The following PBX3 variants were observed in gnomAD, a reference collection of about 807,000 sequenced individuals.
The protein encoded by PBX3 is PBX homeobox 3.
Under a neutral mutation model 48.5 loss-of-function variants are expected in PBX3, and 14 were observed. That is an observed-to-expected ratio of 0.29 (90% CI 0.19 to 0.45). The LOEUF (loss-of-function observed/expected upper bound fraction) is 0.45. PBX3 is among the 20% of genes least tolerant of loss of function. PBX3 has a pLI of 1.00. For missense variants in PBX3, 386 were observed against 546.7 expected (o/e 0.71, Z 2.93); for synonymous variants, 210 against 200.3 (o/e 1.05, Z -0.41).
At chr9:125,867,419 A>C (rs1840008659) in intron 2 of PBX3, among the ~76,000 whole-genome samples, 1 of 152,022 alleles carries the variant, frequency 6.6e-6, no homozygotes, top group African/African-American at 2.4e-5. Context: ...AGGCGGGTGG[A>C]TCATGAGGTC....
chr9:125,906,873 C>T (rs557551139), intron 2 of PBX3, among the ~76,000 whole-genome samples: 1 of 152,066 alleles, frequency 6.6e-6, no homozygotes, highest in South Asian at 2.1e-4. Flanking sequence ...GAAAATTTAA[C>T]CAATTTTAAC....
intron 2 of PBX3, among the ~76,000 whole-genome samples, chr9:125,873,443 CTA>C (rs997240205): frequency 3.3e-5 from 5 of 152,122 alleles, no homozygotes; most frequent in Non-Finnish European, 7.4e-5. Flanking sequence ...AAAAACTTAA[CTA>C]TGAGTCAAAC....
At chr9:125,958,586 G>A (rs899520168) in intron 5 of PBX3, among the ~76,000 whole-genome samples, 1 of 152,180 alleles carries the variant, frequency 6.6e-6, no homozygotes, top group South Asian at 2.1e-4. Flanking sequence ...CAATGGAGGC[G>A]GGGATATTGT....
intron 2 of PBX3, among the ~76,000 whole-genome samples, chr9:125,814,866 A>G (rs1249474798): frequency 6.6e-6 from 1 of 152,226 alleles, no homozygotes; most frequent in Non-Finnish European, 1.5e-5. Context: ...GCCATCCACC[A>G]TTCAAGCCGA....
chr9:125,756,158 G>A (rs1372626389), intron 2 of PBX3, among the ~76,000 whole-genome samples: 2 of 151,998 alleles, frequency 1.3e-5, no homozygotes. Flanking sequence ...TATAATTCAT[G>A]GTTAAACTGC....
intron 2 of PBX3, among the ~76,000 whole-genome samples, chr9:125,884,503 G>C (rs190344002): frequency 5.6e-4 from 86 of 152,282 alleles, no homozygotes; most frequent in Non-Finnish European, 1.1e-3. Context: ...TAGAAACTGA[G>C]AGAATTTCAA....
intron 5 of PBX3, among the ~76,000 whole-genome samples, chr9:125,952,951 T>A (rs1842223307): frequency 6.6e-6 from 1 of 151,568 alleles, no homozygotes; most frequent in African/African-American, 2.4e-5. Flanking sequence ...TGTATATACC[T>A]ACATCTATGT....
At position 125,791,279 on chromosome 9, in the gene PBX3, TTATCTGTC is replaced by T. The variant is rs1291150856; in HGVS notation, c.274+42658_274+42665del. 2.6e-3 allele frequency among the ~76,000 whole-genome samples: 352 copies of T among 134,674 alleles called. 5 individuals carry two copies. The highest frequency in any genetic ancestry group is 9.1e-3 in the African/African-American group (332 of 36,454). 88.4% of individuals were successfully genotyped at this position (134,674 alleles called of 152,430 possible). On this transcript the variant is annotated intron_variant, in intron 2 of 8. Coordinates refer to ENST00000373489, the MANE Select transcript of PBX3 (RefSeq NM_006195.6). ...TAATAATTGTAGTACACATACATTT[TTATCTGTC>T]TGTCTGTCTGTCTGTCTATCTATCT...
At chr9:125,933,290 A>C (rs970364032) in intron 4 of PBX3, among the ~76,000 whole-genome samples, 8 of 152,242 alleles carry the variant, frequency 5.3e-5, no homozygotes, top group Non-Finnish European at 1.0e-4. Context: ...AAGACGAAGC[A>C]TGCACCAATG....
At chr9:125,899,180 C>G (rs1840845959) in intron 2 of PBX3, among the ~76,000 whole-genome samples, 2 of 145,386 alleles carry the variant, frequency 1.4e-5, no homozygotes, top group South Asian at 4.2e-4. Context: ...GTGTACTTCA[C>G]ATTCTTTAGA....
chr9:125,815,115 G>T (rs1483990478), intron 2 of PBX3, among the ~76,000 whole-genome samples: 2 of 152,070 alleles, frequency 1.3e-5, no homozygotes, highest in African/African-American at 4.8e-5. Flanking sequence ...AAGACTGAAA[G>T]AAATCAGACT....
At chr9:125,887,221 T>A (rs989573422) in intron 2 of PBX3, among the ~76,000 whole-genome samples, 1 of 152,208 alleles carries the variant, frequency 6.6e-6, no homozygotes, top group African/African-American at 2.4e-5. Context: ...GCAATTCTTA[T>A]AAACAGTTCT....
chr9:125,748,227 C>T (rs1836258776), intron 1 of PBX3: 2 of 1,029,708 alleles, frequency 1.9e-6, no homozygotes, highest in South Asian at 3.7e-5. Context: ...GCGGGAGCCC[C>T]TCCGCACCCG....
In PBX3 at chr9:125,747,406, C is replaced by T. The variant is rs761620826; in HGVS notation, c.-48C>T. On this transcript the variant is annotated 5_prime_UTR_variant, in exon 1 of 9. Transcript: ENST00000373489. ...TCGTCGCCGCCGCCGCCGCCGCCGC[C>T]TCAGCCTTCGCCTCAGCCGCCGCCC... 21 of 1,288,976 alleles carry T rather than the reference C, an allele frequency of 1.6e-5. No individual in the cohort carries two copies. The Admixed American group carries it at 5.4e-4, about 33-fold the overall frequency. 79.8% of individuals were successfully genotyped at this position (1,288,976 alleles called of 1,614,324 possible). A position where few individuals can be genotyped will look rare whatever the true frequency, so the allele number is the denominator to read the frequency against.
At chr9:125,906,617 A>G (rs10987018) in intron 2 of PBX3, among the ~76,000 whole-genome samples, 1,642 of 152,114 alleles carry the variant, frequency 0.011, 16 homozygotes, top group Non-Finnish European at 0.017. Context: ...ATCACCTTAA[A>G]CTACAAAGTA....
chr9:125,866,559 G>A (rs1320716431), intron 2 of PBX3, among the ~76,000 whole-genome samples: 1 of 152,166 alleles, frequency 6.6e-6, no homozygotes, highest in Admixed American at 6.5e-5. Context: ...TAGATTGTAA[G>A]AGGGAAACAA....
At chr9:125,845,318 T>G (rs1839399941) in intron 2 of PBX3, among the ~76,000 whole-genome samples, 1 of 152,122 alleles carries the variant, frequency 6.6e-6, no homozygotes, top group East Asian at 1.9e-4. Flanking sequence ...GATAGTTTTC[T>G]TTTTAGGATG....
At chr9:125,963,518 AT>A (rs1842473525) in intron 8 of PBX3, among the ~76,000 whole-genome samples, 1 of 152,258 alleles carries the variant, frequency 6.6e-6, no homozygotes. Context: ...TAATTGTGTT[AT>A]TAAAAGCATC....
intron 2 of PBX3, among the ~76,000 whole-genome samples, chr9:125,827,844 G>C (rs1838851666): frequency 6.6e-6 from 1 of 152,040 alleles, no homozygotes. Context: ...AGAGTTGTTG[G>C]GTTTATAGAG....
Sources: allele counts gnomAD v4.1 joint callset (sites outside exome capture counted in the v4.1 genomes callset), GRCh38; gene constraint gnomAD v4.1.1; transcripts MANE v1.5; gene names NCBI Gene and HGNC (gene_info 2026-07-23, HGNC 2026-07-21).